CHUK: variants seen among roughly 807,000 people sequenced by gnomAD.
CHUK encodes the protein component of inhibitor of nuclear factor kappa B kinase complex, also known as inhibitor of nuclear factor kappa-B kinase subunit alpha.
CHUK carries 35 observed loss-of-function variants against 104.8 expected under a neutral mutation model. That is an observed-to-expected ratio of 0.33 (90% CI 0.26 to 0.44). The LOEUF is 0.44. Among genes scored for constraint, CHUK ranks in the 20% least tolerant of loss-of-function variants. The pLI is 1.00. For missense variants in CHUK, 663 were observed against 902.7 expected, an observed-to-expected ratio of 0.73 and a Z score of 3.40; for synonymous variants, 276 against 291.9, an observed-to-expected ratio of 0.95 and a Z score of 0.56.
chr10:100,212,938 C>T (rs1414402474), intron 9 of CHUK, among the ~76,000 whole-genome samples: 3 of 141,896 alleles, frequency 2.1e-5, no homozygotes, highest in African/African-American at 8.0e-5. Context: ...CCTGGGAGAT[C>T]AAGGCTGCAG....
chr10:100,194,330 G>T, intron 17 of CHUK, 95 bp downstream of exon 17: 6 of 1,088,222 alleles, frequency 5.5e-6, no homozygotes, highest in Non-Finnish European at 7.0e-6. Context: ...TTCTTCCTGG[G>T]TAAGTATACT....
At chr10:100,226,039 A>AG (rs1846098120) in intron 1 of CHUK, 22 bp from the exon 2 acceptor site, 2 of 1,414,772 alleles carry the variant, frequency 1.4e-6, no homozygotes, top group Non-Finnish European at 2.0e-6. Context: ...GAAAATCAAC[A>AG]GAAAAAAAAA....
chr10:100,198,406 T>C (rs984895785), intron 16 of CHUK, among the ~76,000 whole-genome samples: 29 of 152,360 alleles, frequency 1.9e-4, no homozygotes, highest in African/African-American at 6.7e-4. Flanking sequence ...CAAGGACATT[T>C]GTAAGTGAAA....
At chr10:100,211,008 T>C (rs931051539) in intron 9 of CHUK, among the ~76,000 whole-genome samples, 4 of 152,246 alleles carry the variant, frequency 2.6e-5, no homozygotes, top group African/African-American at 9.6e-5. Flanking sequence ...TTACATTGAC[T>C]AGTATATGCA....
In CHUK at chr10:100,200,656, C is replaced by T. The variant is rs913896921; in HGVS notation, c.1679+15G>A. On this transcript the variant is annotated intron_variant, in intron 15 of 20. Coordinates refer to ENST00000370397, the MANE Select transcript of CHUK (RefSeq NM_001278.5). ...ATTACAGATGTCAAGACCAACAACA[C>T]AAGTGCATCCTTACAGAGATTCCAT... The T allele has an allele frequency of 1.7e-6, 2 of 1,179,620 alleles. No individual in the cohort carries two copies. Among genetic ancestry groups the T allele is most frequent in the Non-Finnish European group, 2.5e-6 (2 of 784,742 alleles). 73.1% of individuals were successfully genotyped at this position (1,179,620 alleles called of 1,614,324 possible). A position where few individuals can be genotyped will look rare whatever the true frequency, so the allele number is the denominator to read the frequency against.
chr10:100,224,121 A>G (rs1846051803), intron 2 of CHUK, among the ~76,000 whole-genome samples: 1 of 149,066 alleles, frequency 6.7e-6, no homozygotes. Flanking sequence ...CAGATCACTC[A>G]CTCTTTCTGA....
intron 1 of CHUK, among the ~76,000 whole-genome samples, chr10:100,228,940 T>C (rs1846165235): frequency 6.6e-6 from 1 of 151,654 alleles, no homozygotes; most frequent in Admixed American, 6.6e-5. Flanking sequence ...GCCTTCCTTG[T>C]CTACTCCAGT....
chr10:100,201,300 G>A (rs1845456409), intron 14 of CHUK, among the ~76,000 whole-genome samples: 1 of 152,026 alleles, frequency 6.6e-6, no homozygotes, highest in Non-Finnish European at 1.5e-5. Context: ...ACAGGATAAG[G>A]GGAAAAAATC....
At position 100,191,977 on chromosome 10, in the gene CHUK, G is replaced by C. The variant is rs540329745; in HGVS notation, c.2109-1009C>G. 5.0e-4 allele frequency among the ~76,000 whole-genome samples: 76 copies of C among 152,232 alleles called. 1 individual carries two copies. The East Asian group carries it at 0.01, about 20-fold the overall frequency. On this transcript the variant is annotated intron_variant, in intron 19 of 20. Transcript: ENST00000370397. Reference sequence around the variant, plus strand: ...TTACTAAAATACAAAAATTAGCCAGGTATGGTGGCACGCACCTGAAATCCC... The same window carrying C: ...TTACTAAAATACAAAAATTAGCCAGCTATGGTGGCACGCACCTGAAATCCC...
At chr10:100,210,685 C>T (rs1274948892) in intron 9 of CHUK, among the ~76,000 whole-genome samples, 2 of 152,190 alleles carry the variant, frequency 1.3e-5, no homozygotes, top group East Asian at 3.8e-4. Context: ...TCTCTTTAAA[C>T]AGGAAAAAGC....
chr10:100,210,249 G>A (rs369576251), intron 9 of CHUK, among the ~76,000 whole-genome samples: 6 of 150,610 alleles, frequency 4.0e-5, no homozygotes, highest in East Asian at 1.9e-4. Flanking sequence ...CACTACGCCC[G>A]GCTAATTTTT....
chr10:100,203,494 T>C (rs12261500), intron 13 of CHUK, among the ~76,000 whole-genome samples: 11,556 of 151,858 alleles, frequency 0.076, 787 homozygotes, highest in African/African-American at 0.18. Flanking sequence ...GGAGAGTAAA[T>C]TCATTCACCC....
At chr10:100,192,753 A>G (rs910162324) in intron 19 of CHUK, 15 of 986,600 alleles carry the variant, frequency 1.5e-5, no homozygotes, top group Non-Finnish European at 1.8e-5. Flanking sequence ...AGGAATTAAT[A>G]AAATATAGGG....
downstream of CHUK, chr10:100,188,063 A>G (rs962188453): frequency 1.3e-5 from 2 of 152,204 alleles, no homozygotes; most frequent in African/African-American, 2.4e-5. Flanking sequence ...TGACTAAAAA[A>G]TTTGGTTGAC....
At chr10:100,204,143 C>T (rs948618100) in intron 13 of CHUK, among the ~76,000 whole-genome samples, 5 of 152,226 alleles carry the variant, frequency 3.3e-5, no homozygotes, top group African/African-American at 1.2e-4. Context: ...CCTTCACCTT[C>T]AGGGTCAGAA....
At chr10:100,203,073 A>G (rs1241780205) in intron 13 of CHUK, among the ~76,000 whole-genome samples, 3 of 152,174 alleles carry the variant, frequency 2.0e-5, no homozygotes, top group Admixed American at 2.0e-4. Context: ...GAAATTTAAT[A>G]CTTGAATATG....
At chr10:100,224,475 C>T (rs1178134244) in intron 2 of CHUK, among the ~76,000 whole-genome samples, 2 of 152,152 alleles carry the variant, frequency 1.3e-5, no homozygotes, top group Non-Finnish European at 2.9e-5. Flanking sequence ...GAGACGGAGT[C>T]GCCCAGGCTG....
intron 2 of CHUK, among the ~76,000 whole-genome samples, chr10:100,223,910 TG>T (rs1284214755): frequency 6.6e-6 from 1 of 152,248 alleles, no homozygotes; most frequent in East Asian, 1.9e-4. Context: ...ACACTACCTG[TG>T]GAAGTTTTAA....
chr10:100,196,214 T>C (rs1428546588), intron 16 of CHUK, among the ~76,000 whole-genome samples: 5 of 152,222 alleles, frequency 3.3e-5, no homozygotes, highest in Admixed American at 3.3e-4. Flanking sequence ...TTTGTTAACA[T>C]CTTCAACCTT....
Sources: allele counts gnomAD v4.1 joint callset (sites outside exome capture counted in the v4.1 genomes callset), GRCh38; gene constraint gnomAD v4.1.1; transcripts MANE v1.5; gene names NCBI Gene and HGNC (gene_info 2026-07-23, HGNC 2026-07-21).